MITF: variants seen among roughly 807,000 people sequenced by gnomAD.
MITF encodes the protein microphthalmia-associated transcription factor.
Under a neutral mutation model 60.5 loss-of-function variants are expected in MITF, and 17 were observed. The ratio of observed to expected loss-of-function variants is 0.28; its 90% CI spans 0.19 to 0.42. The LOEUF (loss-of-function observed/expected upper bound fraction) is 0.42, where lower values mean the gene tolerates loss of function less well. MITF is among the 10% of genes least tolerant of loss of function. The pLI, the probability that MITF is intolerant of heterozygous loss-of-function variation, is 1.00. For missense variants in MITF, 622 were observed against 683.5 expected (o/e 0.91, Z 1.00); for synonymous variants, 260 against 248.5 (o/e 1.05, Z -0.43).
At chr3:69,931,194 T>A (rs936252064) in intron 2 of MITF, among the ~76,000 whole-genome samples, 19 of 152,248 alleles carry the variant, frequency 1.2e-4, no homozygotes, top group African/African-American at 4.6e-4. Context: ...GAATGAGCAC[T>A]AATTCCGTTC....
intron 1 of MITF, among the ~76,000 whole-genome samples, chr3:69,806,894 TA>T (rs1319594677): frequency 6.6e-6 from 1 of 152,140 alleles, no homozygotes; most frequent in Non-Finnish European, 1.5e-5. Context: ...CATGTGTAAT[TA>T]AAGACAGGAA....
At chr3:69,878,505 T>C (rs1231149530) in intron 1 of MITF, among the ~76,000 whole-genome samples, 5 of 152,228 alleles carry the variant, frequency 3.3e-5, no homozygotes, top group East Asian at 1.9e-4. Flanking sequence ...CAGAGAAGTA[T>C]TGGCTTGTCA....
intron 5 of MITF, 103 bp from the exon 6 acceptor site, chr3:69,948,948 A>G (rs1576028532): frequency 2.4e-6 from 2 of 846,570 alleles, no homozygotes; most frequent in Non-Finnish European, 3.9e-6. Flanking sequence ...TTTGTATCAA[A>G]TAATTTTTCT....
intron 2 of MITF, among the ~76,000 whole-genome samples, chr3:69,933,057 A>T (rs181633479): frequency 6.6e-6 from 1 of 152,162 alleles, no homozygotes; most frequent in African/African-American, 2.4e-5. Flanking sequence ...GTGTAGAAGC[A>T]TGTCATAGCT....
intron 5 of MITF, among the ~76,000 whole-genome samples, chr3:69,941,816 A>G (rs1009751908): frequency 2.6e-5 from 4 of 152,140 alleles, no homozygotes; most frequent in African/African-American, 9.7e-5. Context: ...CCTATTTGCT[A>G]TTGTATGTTA....
chr3:69,823,825 T>C (rs1205728138), intron 1 of MITF, among the ~76,000 whole-genome samples: 1 of 152,188 alleles, frequency 6.6e-6, no homozygotes, highest in Non-Finnish European at 1.5e-5. Context: ...GTAATCCTGC[T>C]CTCCTAAGCA....
At position 69,930,717 on chromosome 3, in the gene MITF, A is replaced by T. The variant is rs376393809; in HGVS notation, c.355-7105A>T. Among the ~76,000 whole-genome samples the T allele has an allele frequency of 9.8e-5, 15 of 152,332 alleles. No individual in the cohort carries two copies. In the East Asian group the frequency reaches 2.9e-3, roughly 29 times the overall value. On this transcript the variant is annotated intron_variant, in intron 2 of 9. Coordinates refer to ENST00000352241, the MANE Select transcript of MITF (RefSeq NM_001354604.2). ...GCTCGGGATGTAGTGTGTTCCCTGG[A>T]CCGGCTGGGTCAGCATCCCCTGGCA...
intron 1 of MITF, among the ~76,000 whole-genome samples, chr3:69,796,020 C>T (rs915797578): frequency 5.9e-5 from 9 of 152,140 alleles, no homozygotes; most frequent in African/African-American, 1.2e-4. Context: ...TGCGCTCAGT[C>T]GCCCAGGCTG....
intron 1 of MITF, among the ~76,000 whole-genome samples, chr3:69,743,589 G>A (rs1042645648): frequency 5.3e-5 from 8 of 152,184 alleles, no homozygotes; most frequent in Non-Finnish European, 1.2e-4. Context: ...TGGTGGTTAA[G>A]GCTGTGTATA....
chr3:69,907,618 C>A (rs2065129261), intron 2 of MITF, among the ~76,000 whole-genome samples: 1 of 152,118 alleles, frequency 6.6e-6, no homozygotes, highest in Non-Finnish European at 1.5e-5. Flanking sequence ...TTTGAAATCA[C>A]CCTTGATTTC....
At chr3:69,859,951 C>T (rs532719698) in intron 1 of MITF, among the ~76,000 whole-genome samples, 2 of 152,216 alleles carry the variant, frequency 1.3e-5, no homozygotes, top group African/African-American at 4.8e-5. Flanking sequence ...TGATGACGGC[C>T]TTATCTTTTC....
At chr3:69,817,274 T>TC (rs994793629) in intron 1 of MITF, among the ~76,000 whole-genome samples, 2 of 152,176 alleles carry the variant, frequency 1.3e-5, no homozygotes, top group Non-Finnish European at 2.9e-5. Context: ...CAAACCTGTC[T>TC]CACCCCCTCA....
intron 1 of MITF, among the ~76,000 whole-genome samples, chr3:69,865,626 GCAGTTTGTGTTTTACTTCCAC>G (rs2064099217): frequency 6.6e-6 from 1 of 152,140 alleles, no homozygotes; most frequent in Non-Finnish European, 1.5e-5. Flanking sequence ...ATAATTAGGA[GCAGTTTGTGTTTTACTTCCAC>G]CAGAACCGGG....
intron 1 of MITF, among the ~76,000 whole-genome samples, chr3:69,750,563 A>T (rs1328566410): frequency 1.3e-5 from 2 of 151,528 alleles, no homozygotes; most frequent in South Asian, 4.2e-4. Flanking sequence ...TGGAGACATG[A>T]GATTTGTGGT....
intron 1 of MITF, among the ~76,000 whole-genome samples, chr3:69,859,502 A>T (rs1051363213): frequency 2.0e-5 from 3 of 152,130 alleles, no homozygotes; most frequent in Admixed American, 1.3e-4. Flanking sequence ...GGAACTGCTG[A>T]TGTCCTGGGA....
At chr3:69,873,711 A>T (rs1479870071) in intron 1 of MITF, among the ~76,000 whole-genome samples, 1 of 152,218 alleles carries the variant, frequency 6.6e-6, no homozygotes, top group Non-Finnish European at 1.5e-5. Context: ...ATTTTCTCAG[A>T]CATGGAAGAA....
In MITF at chr3:69,945,256, A is replaced by G. The variant is rs187929657; in HGVS notation, c.763-3795A>G. On this transcript the variant is annotated intron_variant, in intron 5 of 9. Coordinates refer to ENST00000352241, the MANE Select transcript of MITF (RefSeq NM_001354604.2). ...AGCACAACATTGAAGAACTCAATTC[A>G]GACCAGTATGGGGGCATAGACCCAG... 1.0e-3 allele frequency among the ~76,000 whole-genome samples: 158 copies of G among 152,326 alleles called. 1 individual carries two copies. The highest frequency in any genetic ancestry group is 1.9e-4 in the Non-Finnish European group (13 of 68,022).
intron 5 of MITF, among the ~76,000 whole-genome samples, chr3:69,941,541 A>G (rs1266830361): frequency 6.6e-6 from 1 of 152,062 alleles, no homozygotes; most frequent in African/African-American, 2.4e-5. Context: ...CCATGATAAA[A>G]CTCTACATTC....
chr3:69,884,605 TG>T (rs2064567253), intron 2 of MITF, among the ~76,000 whole-genome samples: 1 of 152,052 alleles, frequency 6.6e-6, no homozygotes, highest in South Asian at 2.1e-4. Flanking sequence ...TATGAACACT[TG>T]GGGGTGAGGA....
Sources: gnomAD v4.1 joint callset for allele counts (sites outside exome capture counted in the v4.1 genomes callset) on GRCh38, gnomAD v4.1.1 for gene constraint, MANE v1.5 for transcripts, NCBI Gene and HGNC (gene_info 2026-07-23, HGNC 2026-07-21) for gene names.